DCLK3: variants seen among roughly 807,000 people sequenced by gnomAD.
DCLK3 encodes serine/threonine-protein kinase DCLK3.
DCLK3 carries 30 observed loss-of-function variants against 46.4 expected under a neutral mutation model. The observed-to-expected ratio is 0.65, with a 90% confidence interval of 0.48 to 0.88. The LOEUF is 0.88. DCLK3 is among the 40% of genes least tolerant of loss of function. The probability of loss-of-function intolerance (pLI) is 0.00; values close to 1 mark genes in which losing one functional copy is unlikely to be tolerated. For synonymous variants in DCLK3, 401 were observed against 339.2 expected (o/e 1.18, Z -2.00); for missense variants, 846 against 907.1 (o/e 0.93, Z 0.87).
intron 1 of DCLK3, among the ~76,000 whole-genome samples, chr3:36,748,194 G>A (rs1701409440): frequency 6.7e-6 from 1 of 149,866 alleles, no homozygotes; most frequent in South Asian, 2.1e-4. Flanking sequence ...GTGGGTGAAT[G>A]GGGAAGGAGG....
intron 1 of DCLK3, among the ~76,000 whole-genome samples, chr3:36,739,483 CCATGGTAGTGAA>C (rs1055351229): frequency 3.2e-4 from 49 of 152,292 alleles, no homozygotes; most frequent in African/African-American, 1.2e-3. Context: ...CCATACTGTT[CCATGGTAGTGAA>C]TAAATCTCAT....
intron 1 of DCLK3, among the ~76,000 whole-genome samples, chr3:36,758,782 A>G (rs1701511250): frequency 6.6e-6 from 1 of 152,250 alleles, no homozygotes; most frequent in Non-Finnish European, 1.5e-5. Flanking sequence ...GAAAATAACA[A>G]ATCAGGTTTA....
At chr3:36,715,733 C>G (rs1332528666) in intron 4 of DCLK3, among the ~76,000 whole-genome samples, 1 of 152,168 alleles carries the variant, frequency 6.6e-6, no homozygotes, top group Admixed American at 6.5e-5. Flanking sequence ...TGAAATCTGG[C>G]GTGTGAAACT....
At chr3:36,736,631 A>T (rs1366565964) in intron 2 of DCLK3, among the ~76,000 whole-genome samples, 2 of 152,230 alleles carry the variant, frequency 1.3e-5, no homozygotes, top group Non-Finnish European at 2.9e-5. Flanking sequence ...TCTCTTTTAC[A>T]AAATGATGAA....
chr3:36,759,338 G>T (rs1478833854), intron 1 of DCLK3, among the ~76,000 whole-genome samples: 1 of 152,110 alleles, frequency 6.6e-6, no homozygotes, highest in East Asian at 1.9e-4. Flanking sequence ...AAGCAACATT[G>T]CATTCATTCC....
intron 1 of DCLK3, among the ~76,000 whole-genome samples, chr3:36,744,553 C>G (rs1338144381): frequency 6.6e-6 from 1 of 152,192 alleles, no homozygotes; most frequent in Non-Finnish European, 1.5e-5. Context: ...CCCTATGAAC[C>G]TCAGTTTCAC....
rs373096178 is a variant in DCLK3, at chr3:36,738,468, G to A, written c.699C>T (p.Ser233=). 19 of 1,476,218 alleles carry A rather than the reference G, an allele frequency of 1.3e-5. 2 individuals carry two copies. In the East Asian group the frequency reaches 2.0e-4, roughly 16 times the overall value. 91.4% of individuals were successfully genotyped at this position (1,476,218 alleles called of 1,614,324 possible). ...TGGCTGCCTTGCATCCTGCAACTTC[G>A]CTGCAGCTCTTGGGGGTCTCGGTCT... ...CGETETPKSC[S]EVAGCKAAMR... Residue 233 remains serine (S), a synonymous_variant, in exon 2 of 5, where the codon AGC becomes AGT. Coordinates refer to ENST00000636136, the MANE Select transcript of DCLK3 (RefSeq NM_001394672.2).
intron 1 of DCLK3, among the ~76,000 whole-genome samples, chr3:36,742,760 G>A (rs927130308): frequency 3.9e-5 from 6 of 152,144 alleles, no homozygotes; most frequent in Admixed American, 1.3e-4. Context: ...TTACAGGTAA[G>A]AGGAAAAAAA....
intron 1 of DCLK3, among the ~76,000 whole-genome samples, chr3:36,762,654 C>G (rs1701549973): frequency 6.6e-6 from 1 of 152,122 alleles, no homozygotes; most frequent in Non-Finnish European, 1.5e-5. Flanking sequence ...GTTCTGAGTC[C>G]CTACAAACAT....
At chr3:36,717,807 G>T (rs1035560727) in intron 4 of DCLK3, among the ~76,000 whole-genome samples, 2 of 152,192 alleles carry the variant, frequency 1.3e-5, no homozygotes, top group African/African-American at 4.8e-5. Context: ...GTAACTGGTG[G>T]TTGGGCTTTT....
intron 2 of DCLK3, among the ~76,000 whole-genome samples, chr3:36,726,733 A>C (rs141502835): frequency 1.3e-5 from 2 of 152,158 alleles, no homozygotes; most frequent in Non-Finnish European, 2.9e-5. Context: ...TCCATAATTA[A>C]CCTCACCAAA....
Position 36,715,496 on chromosome 3 carries a change from C to A in DCLK3, c.2286G>T (p.Leu762Phe). The A allele has an allele frequency of 6.5e-7, 1 of 1,539,556 alleles. No homozygotes were observed. The highest frequency in any genetic ancestry group is 8.7e-7 in the Non-Finnish European group (1 of 1,144,336). ...AGCGCTTTTTGGGGTCTACCACCAG[C>A]AACCGGCTCACCAGATCTTTAGCAG... Reference protein sequence around the residue: ...SDAAKDLVSRLLVVDPKKRYT... With the variant: ...SDAAKDLVSRFLVVDPKKRYT... The change falls in exon 5 of 5, where the codon TTG becomes TTT. Residue 762 changes from leucine (L) to phenylalanine (F), a missense_variant. Around this residue, in one of 3 missense-constraint regions of DCLK3, gnomAD observed 247 missense variants for 322.8 expected, o/e 0.77. Coordinates refer to ENST00000636136, the MANE Select transcript of DCLK3 (RefSeq NM_001394672.2).
chr3:36,738,052 T>G lies in DCLK3; in HGVS notation c.1115A>C (p.His372Pro), dbSNP rs1165748563. ...SGEEGWKGDS[H>P]RSSPRNPTQE... ...AGTGGGATTCCTGGGGCTGCTCCTG[T>G]GGCTGTCACCCTTCCACCCTTCCTC... Residue 372 changes from histidine to proline, a missense_variant, in exon 2 of 5, where the codon CAC (histidine) becomes CCC (proline). Physicochemically the swap from His to Pro is moderately conservative, Grantham distance 77. Coordinates refer to ENST00000636136, the MANE Select transcript of DCLK3 (RefSeq NM_001394672.2). The G allele has an allele frequency of 6.2e-6, 10 of 1,613,888 alleles. No individual in the cohort carries two copies. Among genetic ancestry groups the G allele is most frequent in the Admixed American group, 3.3e-5 (2 of 59,990 alleles).
chr3:36,764,202 C>A lies in DCLK3; in HGVS notation c.62G>T (p.Cys21Phe). ...CTCACCCGGGGCAGGCCGCGCCGGG[C>A]AGGCTGGGGCTGGCCGGGCCGGGGG... ...PPPPARPAPA[C>F]PARPAPGQQG... is the part of the protein sequence containing the mutation. The change falls in exon 1 of 5, where the codon TGC (cysteine) becomes TTC (phenylalanine). Residue 21 changes from cysteine to phenylalanine, a missense_variant. Cys to Phe is a radical substitution (Grantham distance 205). This residue lies in a region of DCLK3 where 553 missense variants were observed against 543.0 expected (regional missense o/e 1.02). Coordinates refer to ENST00000636136, the MANE Select transcript of DCLK3 (RefSeq NM_001394672.2). The surrounding 1 kb of genome is among the most constrained non-coding windows in gnomAD (Gnocchi z 4.9). 1 of 330,824 alleles carries A rather than the reference C, an allele frequency of 3.0e-6. No individual in the cohort carries two copies. Among genetic ancestry groups the A allele is most frequent in the Non-Finnish European group, 5.5e-6 (1 of 182,370 alleles). The allele number at this position is 330,824 out of a possible 1,614,324, so 20.5% of individuals were successfully genotyped here.
chr3:36,759,823 G>T (rs74763778), intron 1 of DCLK3, among the ~76,000 whole-genome samples: 12 of 152,130 alleles, frequency 7.9e-5, no homozygotes, highest in Non-Finnish European at 1.8e-4. Context: ...ACCAGGAAGG[G>T]TTCCTCCCTT....
At chr3:36,735,309 A>C (rs1377743376) in intron 2 of DCLK3, among the ~76,000 whole-genome samples, 1 of 152,252 alleles carries the variant, frequency 6.6e-6, no homozygotes, top group Non-Finnish European at 1.5e-5. Flanking sequence ...AAAAGCGAGT[A>C]GAGAAAGGAA....
At position 36,737,632 on chromosome 3, in the gene DCLK3, C is replaced by A; in HGVS notation, c.1535G>T (p.Arg512Leu). Residue 512 changes from arginine to leucine, a missense_variant, in exon 2 of 5, where the codon CGG (arginine) becomes CTG (leucine). Around this residue, in one of 3 missense-constraint regions of DCLK3, gnomAD observed 553 missense variants for 543.0 expected, o/e 1.02. Coordinates refer to ENST00000636136, the MANE Select transcript of DCLK3 (RefSeq NM_001394672.2). This position sits in a 1 kb window ranked among gnomAD's most constrained non-coding sequence, Gnocchi z 4.4. ...KPERPSGRKP[R>L]PMGIIAANVE... ...ATTGGCGGCAATGATGCCCATGGGC[C>A]GTGGCTTCCGACCGCTGGGCCGCTC... The A allele has an allele frequency of 1.2e-6, 2 of 1,614,082 alleles. No homozygotes were observed. The highest frequency in any genetic ancestry group is 1.7e-6 in the Non-Finnish European group (2 of 1,179,988).
intron 4 of DCLK3, among the ~76,000 whole-genome samples, chr3:36,716,313 G>A (rs1223420185): frequency 6.6e-6 from 1 of 152,046 alleles, no homozygotes; most frequent in East Asian, 1.9e-4. Flanking sequence ...CTTTATTGAA[G>A]GCTGTCTCTT....
At chr3:36,722,513 C>G (rs981476040) in intron 2 of DCLK3, among the ~76,000 whole-genome samples, 10 of 152,166 alleles carry the variant, frequency 6.6e-5, no homozygotes, top group African/African-American at 2.4e-4. Context: ...AGTATGTACC[C>G]TGATATGGTT....
Sources: allele counts gnomAD v4.1 joint callset (sites outside exome capture counted in the v4.1 genomes callset), GRCh38; gene constraint gnomAD v4.1.1; regional missense constraint gnomAD v4.1.1; non-coding constraint Gnocchi (gnomAD v3.1); transcripts MANE v1.5; gene names NCBI Gene and HGNC (gene_info 2026-07-23, HGNC 2026-07-21).